The following LRMDA variants were observed in gnomAD, a reference collection of about 807,000 sequenced individuals.
The protein encoded by LRMDA is leucine rich melanocyte differentiation associated.
LRMDA carries 18 observed loss-of-function variants against 29.8 expected under a neutral mutation model. The ratio of observed to expected loss-of-function variants is 0.60; its 90% CI spans 0.42 to 0.90. The LOEUF is 0.90. Among genes scored for constraint, LRMDA ranks in the 40% least tolerant of loss-of-function variants. LRMDA has a pLI of 0.00. For missense variants in LRMDA, 273 were observed against 273.9 expected, an observed-to-expected ratio of 1.00 and a Z score of 0.02; for synonymous variants, 125 against 109.4, an observed-to-expected ratio of 1.14 and a Z score of -0.89.
chr10:76,187,299 C>T (rs527714618), intron 5 of LRMDA, among the ~76,000 whole-genome samples: 1 of 152,210 alleles, frequency 6.6e-6, no homozygotes, highest in Non-Finnish European at 1.5e-5. Context: ...AGCAAATGAA[C>T]CTTGAATCAG....
chr10:76,115,565 G>C (rs975377676), intron 5 of LRMDA, among the ~76,000 whole-genome samples: 1 of 152,234 alleles, frequency 6.6e-6, no homozygotes, highest in African/African-American at 2.4e-5. Context: ...CAGGGAGACA[G>C]GGAGCTAAAC....
intron 2 of LRMDA, among the ~76,000 whole-genome samples, chr10:75,785,059 G>T (rs748276084): frequency 2.2e-4 from 33 of 152,324 alleles, no homozygotes; most frequent in African/African-American, 7.9e-4. Context: ...GCATGGACGC[G>T]CAGGAGCCTC....
chr10:76,229,679 T>A (rs373949554), intron 5 of LRMDA, among the ~76,000 whole-genome samples: 2 of 152,222 alleles, frequency 1.3e-5, no homozygotes, highest in Admixed American at 1.3e-4. Flanking sequence ...TTCAAAATAC[T>A]CAGCATATCA....
At chr10:76,432,436 C>T (rs181713217) in intron 6 of LRMDA, among the ~76,000 whole-genome samples, 264 of 152,270 alleles carry the variant, frequency 1.7e-3, no homozygotes, top group Non-Finnish European at 3.0e-3. Flanking sequence ...TAGAAGGGAA[C>T]TTTGAGATGA....
chr10:75,668,411 G>A (rs936550642), intron 2 of LRMDA, among the ~76,000 whole-genome samples: 3 of 152,164 alleles, frequency 2.0e-5, no homozygotes, highest in African/African-American at 7.2e-5. Flanking sequence ...CCTGCCATGA[G>A]AACAGATGTG....
intron 2 of LRMDA, among the ~76,000 whole-genome samples, chr10:75,508,259 G>A (rs1021792950): frequency 3.0e-4 from 46 of 151,824 alleles, no homozygotes; most frequent in African/African-American, 1.0e-3. Context: ...TTATGGTGGT[G>A]TTTTTTTCCC....
chr10:76,544,477 C>T (rs1297321237), intron 6 of LRMDA, among the ~76,000 whole-genome samples: 1 of 152,132 alleles, frequency 6.6e-6, no homozygotes, highest in African/African-American at 2.4e-5. Context: ...ACACACCCAT[C>T]TTAATATTGC....
At chr10:75,604,497 C>A (rs1180173631) in intron 2 of LRMDA, among the ~76,000 whole-genome samples, 2 of 152,146 alleles carry the variant, frequency 1.3e-5, no homozygotes, top group Non-Finnish European at 2.9e-5. Flanking sequence ...TAAGAGTTCC[C>A]GGCAACTGTT....
At chr10:75,541,019 G>A (rs920582415) in intron 2 of LRMDA, among the ~76,000 whole-genome samples, 1 of 151,966 alleles carries the variant, frequency 6.6e-6, no homozygotes, top group Non-Finnish European at 1.5e-5. Flanking sequence ...ATCTGCTTTA[G>A]GGCACTTATA....
intron 2 of LRMDA, among the ~76,000 whole-genome samples, chr10:76,005,712 C>A (rs180915363): frequency 3.3e-5 from 5 of 152,092 alleles, no homozygotes. Context: ...AGGCAGATTA[C>A]GAGGTCAGGA....
intron 2 of LRMDA, among the ~76,000 whole-genome samples, chr10:75,710,188 A>C (rs758364299): frequency 3.6e-4 from 55 of 152,236 alleles, no homozygotes; most frequent in Non-Finnish European, 6.2e-4. Flanking sequence ...TATATATCAG[A>C]ATCTAATTTT....
intron 2 of LRMDA, among the ~76,000 whole-genome samples, chr10:75,935,216 G>C (rs985680385): frequency 2.0e-5 from 3 of 152,142 alleles, no homozygotes; most frequent in Non-Finnish European, 4.4e-5. Context: ...GAAGGGCAAG[G>C]GTGAAAAATT....
chr10:75,879,865 C>A (rs1845265763), intron 2 of LRMDA, among the ~76,000 whole-genome samples: 1 of 152,092 alleles, frequency 6.6e-6, no homozygotes, highest in African/African-American at 2.4e-5. Flanking sequence ...ACTGTATTTT[C>A]TATATTTCCT....
At chr10:76,438,036 G>A (rs574672413) in intron 6 of LRMDA, among the ~76,000 whole-genome samples, 1 of 152,296 alleles carries the variant, frequency 6.6e-6, no homozygotes, top group South Asian at 2.1e-4. Context: ...CTTACCCTTA[G>A]TGTGAAACAG....
intron 2 of LRMDA, among the ~76,000 whole-genome samples, chr10:75,980,974 A>G (rs1323801509): frequency 6.6e-6 from 1 of 152,242 alleles, no homozygotes; most frequent in Non-Finnish European, 1.5e-5. Context: ...GTTTTAAACT[A>G]GAACTTCATC....
At chr10:75,701,098 G>A (rs1424668299) in intron 2 of LRMDA, among the ~76,000 whole-genome samples, 2 of 152,200 alleles carry the variant, frequency 1.3e-5, no homozygotes, top group African/African-American at 4.8e-5. Context: ...GGCCTTGGAT[G>A]TCAGGTAGCA....
intron 6 of LRMDA, among the ~76,000 whole-genome samples, chr10:76,346,824 C>G (rs912356198): frequency 2.0e-5 from 3 of 152,168 alleles, no homozygotes; most frequent in African/African-American, 7.2e-5. Flanking sequence ...GACGCAAAAC[C>G]AGGTTTCTCT....
chr10:75,764,396 A>C (rs1225756435), intron 2 of LRMDA, among the ~76,000 whole-genome samples: 1 of 152,208 alleles, frequency 6.6e-6, no homozygotes, highest in African/African-American at 2.4e-5. Context: ...GTCTTTATGC[A>C]AAACAGCCTG....
intron 5 of LRMDA, among the ~76,000 whole-genome samples, chr10:76,080,549 C>A (rs1477694377): frequency 6.6e-6 from 1 of 152,182 alleles, no homozygotes; most frequent in Admixed American, 6.5e-5. Flanking sequence ...CAGCCTTGGA[C>A]CAGAGGGAAA....
Sources: gnomAD v4.1 joint callset for allele counts (sites outside exome capture counted in the v4.1 genomes callset) on GRCh38, gnomAD v4.1.1 for gene constraint, MANE v1.5 for transcripts, NCBI Gene and HGNC (gene_info 2026-07-23, HGNC 2026-07-21) for gene names.